Variants in GSE1 observed in about 807,000 individuals in gnomAD.
GSE1 encodes the protein Gse1 coiled-coil protein, also known as genetic suppressor element 1.
Under a neutral mutation model 112.6 loss-of-function variants are expected in GSE1, and 32 were observed. The observed-to-expected ratio is 0.28, with a 90% CI of 0.21 to 0.38. The LOEUF (loss-of-function observed/expected upper bound fraction) is 0.38. Ranked by LOEUF, GSE1 falls within the 10% of genes least tolerant of loss-of-function variation. The pLI, the probability that GSE1 is intolerant of heterozygous loss-of-function variation, is 1.00. For synonymous variants in GSE1, 1,115 were observed against 735.6 expected (o/e 1.52, Z -8.35); for missense variants, 2,348 against 1,699.2 (o/e 1.38, Z -6.71).
At chr16:85,654,252 C>A (rs566349737) in intron 3 of GSE1, 26 bp from the exon 4 acceptor site, 5 of 1,567,856 alleles carry the variant, frequency 3.2e-6, no homozygotes, top group Admixed American at 3.7e-5. Context: ...AGGCTCCTGC[C>A]CTGACTGGAC....
chr16:85,411,557 C>T (rs1204613618), intron 2 of GSE1, among the ~76,000 whole-genome samples: 4 of 43,378 alleles, frequency 9.2e-5, no homozygotes, highest in African/African-American at 3.7e-4. Flanking sequence ...GGATAATCCT[C>T]ACTGTTACAC....
chr16:85,243,940 A>G (rs923951235), intron 1 of GSE1, among the ~76,000 whole-genome samples: 1 of 152,194 alleles, frequency 6.6e-6, no homozygotes, highest in Non-Finnish European at 1.5e-5. Context: ...CAGCCTGGCC[A>G]ACATAGAGAA....
At chr16:85,417,662 A>C (rs191016757) in intron 2 of GSE1, among the ~76,000 whole-genome samples, 1 of 152,298 alleles carries the variant, frequency 6.6e-6, no homozygotes, top group Non-Finnish European at 1.5e-5. Flanking sequence ...GCTGGGGCCC[A>C]AGGCCAGTGG....
At chr16:85,342,713 AG>A (rs1234013918) in intron 1 of GSE1, among the ~76,000 whole-genome samples, 1 of 152,088 alleles carries the variant, frequency 6.6e-6, no homozygotes, top group African/African-American at 2.4e-5. Context: ...CTAAACAGGG[AG>A]CACACCCTAA....
At chr16:85,296,060 C>G (rs1232706505) in intron 1 of GSE1, among the ~76,000 whole-genome samples, 1 of 152,148 alleles carries the variant, frequency 6.6e-6, no homozygotes, top group Non-Finnish European at 1.5e-5. Context: ...GCTTTGCAGG[C>G]TGAGAACCAG....
chr16:85,328,374 G>A (rs943166206), intron 1 of GSE1, among the ~76,000 whole-genome samples: 14 of 152,184 alleles, frequency 9.2e-5, no homozygotes, highest in Admixed American at 2.6e-4. Flanking sequence ...GAGGCGTCGG[G>A]GCTGCAGGAA....
At chr16:85,404,622 C>A (rs1330454316) in intron 2 of GSE1, among the ~76,000 whole-genome samples, 4 of 63,134 alleles carry the variant, frequency 6.3e-5, no homozygotes, top group African/African-American at 3.5e-4. Flanking sequence ...CCGTTACACT[C>A]AGGGCCCCCC....
chr16:85,509,414 C>T (rs1248337692), intron 2 of GSE1, among the ~76,000 whole-genome samples: 1 of 152,174 alleles, frequency 6.6e-6, no homozygotes, highest in African/African-American at 2.4e-5. Context: ...ATCTCAGGAG[C>T]CCCCAGCTCC....
chr16:85,553,307 C>T (rs1475797451), upstream of GSE1, among the ~76,000 whole-genome samples: 1 of 150,486 alleles, frequency 6.6e-6, no homozygotes, highest in East Asian at 1.9e-4. Context: ...GCCGCCGCCG[C>T]CGCTGCCGGC....
intron 1 of GSE1, among the ~76,000 whole-genome samples, chr16:85,215,380 T>C (rs547537947): frequency 1.6e-4 from 24 of 152,186 alleles, no homozygotes; most frequent in Non-Finnish European, 2.2e-4. Flanking sequence ...CGGAGTGATA[T>C]CATGGACTTC....
intron 2 of GSE1, among the ~76,000 whole-genome samples, chr16:85,461,016 G>A (rs997009741): frequency 2.0e-5 from 3 of 152,186 alleles, no homozygotes; most frequent in Non-Finnish European, 4.4e-5. Flanking sequence ...GGGTGGGAAG[G>A]AGTGAGCTCT....
intron 2 of GSE1, 29 bp downstream of exon 2, chr16:85,634,161 G>C: frequency 3.6e-6 from 5 of 1,373,806 alleles, no homozygotes; most frequent in Non-Finnish European, 3.8e-6. Context: ...CTGCGCGTGG[G>C]GGGAGCGGCG....
At chr16:85,309,138 A>G (rs984658487) in intron 1 of GSE1, among the ~76,000 whole-genome samples, 27 of 151,760 alleles carry the variant, frequency 1.8e-4, no homozygotes, top group Non-Finnish European at 3.8e-4. Flanking sequence ...CTCTCGACCC[A>G]GGCCGCCCAC....
intron 2 of GSE1, among the ~76,000 whole-genome samples, chr16:85,447,500 G>T (rs2049548809): frequency 6.6e-6 from 1 of 152,250 alleles, no homozygotes; most frequent in Non-Finnish European, 1.5e-5. Flanking sequence ...GGAGGACTCA[G>T]GTTGGCTACG....
At chr16:85,597,629 C>G (rs1435456492) in intron 1 of GSE1, among the ~76,000 whole-genome samples, 3 of 152,074 alleles carry the variant, frequency 2.0e-5, no homozygotes, top group Non-Finnish European at 4.4e-5. Context: ...ACCGCCACAC[C>G]TGGCAGATTT....
intron 2 of GSE1, among the ~76,000 whole-genome samples, chr16:85,637,020 T>C (rs1055759531): frequency 3.3e-5 from 5 of 152,236 alleles, no homozygotes; most frequent in African/African-American, 1.2e-4. Context: ...TTGCATTTCT[T>C]ATTTAAAATT....
At position 85,674,244 on chromosome 16, in the gene GSE1, G is replaced by T. The variant is rs2053558375; in HGVS notation, c.*1705G>T. On this transcript the variant is annotated 3_prime_UTR_variant, in exon 16 of 16. Transcript: ENST00000253458. ...TAGCCCTTGCTGCGCAGAACAGCTT[G>T]CTGGCAGCTGGCATCGTGTCGCTTT... The T allele has an allele frequency of 6.6e-6, 1 of 152,302 alleles. No homozygotes were observed. The highest frequency in any genetic ancestry group is 2.4e-5 in the African/African-American group (1 of 41,468). The allele number at this position is 152,302 out of a possible 1,614,324, so 9.4% of individuals were successfully genotyped here. A position where few individuals can be genotyped will look rare whatever the true frequency, so the allele number is the denominator to read the frequency against.
chr16:85,522,050 A>T (rs1231065942), intron 2 of GSE1, among the ~76,000 whole-genome samples: 1 of 152,216 alleles, frequency 6.6e-6, no homozygotes, highest in Non-Finnish European at 1.5e-5. Context: ...AGGAGACCCC[A>T]TGGGAAGACG....
intron 1 of GSE1, among the ~76,000 whole-genome samples, chr16:85,613,699 G>A (rs1055728913): frequency 2.9e-4 from 42 of 144,472 alleles, no homozygotes; most frequent in Admixed American, 2.6e-3. Context: ...GGGCTAGAGG[G>A]CAGGTAAAGT....
Sources: allele counts gnomAD v4.1 joint callset (sites outside exome capture counted in the v4.1 genomes callset), GRCh38; gene constraint gnomAD v4.1.1; transcripts MANE v1.5; gene names NCBI Gene and HGNC (gene_info 2026-07-23, HGNC 2026-07-21).